The following PPP1R9A variants were observed in gnomAD, a reference collection of about 807,000 sequenced individuals.
The protein encoded by PPP1R9A is protein phosphatase 1 regulatory subunit 9A.
Under a neutral mutation model 141.9 loss-of-function variants are expected in PPP1R9A, and 59 were observed. That is an observed-to-expected ratio of 0.42 (90% CI 0.34 to 0.52). The LOEUF (loss-of-function observed/expected upper bound fraction) is 0.52. PPP1R9A is among the 20% of genes least tolerant of loss of function. The probability of loss-of-function intolerance (pLI) is 0.10; values close to 1 mark genes in which losing one functional copy is unlikely to be tolerated. For missense variants in PPP1R9A, 1,444 were observed against 1,611.9 expected (o/e 0.90, Z 1.78); for synonymous variants, 500 against 569.7 (o/e 0.88, Z 1.74).
At chr7:95,084,091 TTAGA>T (rs1194710089) in intron 2 of PPP1R9A, among the ~76,000 whole-genome samples, 1 of 152,042 alleles carries the variant, frequency 6.6e-6, no homozygotes, top group African/African-American at 2.4e-5. Context: ...TTGTTCATAC[TTAGA>T]TAGCATGTAT....
intron 5 of PPP1R9A, among the ~76,000 whole-genome samples, chr7:95,177,162 C>T (rs1833023991): frequency 6.6e-6 from 1 of 152,108 alleles, no homozygotes; most frequent in East Asian, 1.9e-4. Flanking sequence ...AGATTAATGG[C>T]AGACTTCTCA....
chr7:94,997,788 A>G (rs534816661), intron 2 of PPP1R9A, among the ~76,000 whole-genome samples: 9 of 152,162 alleles, frequency 5.9e-5, no homozygotes, highest in African/African-American at 1.9e-4. Context: ...CAGCCCTACA[A>G]ACTCTGGCCT....
At chr7:95,015,630 C>G (rs890728644) in intron 2 of PPP1R9A, among the ~76,000 whole-genome samples, 2 of 152,042 alleles carry the variant, frequency 1.3e-5, no homozygotes, top group Non-Finnish European at 2.9e-5. Context: ...TAATTAGACT[C>G]TTAGAGAAGA....
chr7:95,053,299 G>A (rs1221606858), intron 2 of PPP1R9A, among the ~76,000 whole-genome samples: 1 of 152,172 alleles, frequency 6.6e-6, no homozygotes, highest in Non-Finnish European at 1.5e-5. Context: ...CATCAGTAAG[G>A]TGTTGGTATG....
intron 2 of PPP1R9A, among the ~76,000 whole-genome samples, chr7:95,078,526 T>C (rs1275186718): frequency 1.3e-5 from 2 of 152,136 alleles, no homozygotes; most frequent in Non-Finnish European, 2.9e-5. Flanking sequence ...AAATGGTATT[T>C]CTAGTTCTAG....
At chr7:95,123,791 C>T (rs961154831) in intron 4 of PPP1R9A, among the ~76,000 whole-genome samples, 3 of 152,166 alleles carry the variant, frequency 2.0e-5, no homozygotes, top group East Asian at 1.9e-4. Flanking sequence ...TTATCTACAT[C>T]GCAGGTTGTG....
chr7:95,059,931 G>A (rs1811999551), intron 2 of PPP1R9A, among the ~76,000 whole-genome samples: 1 of 152,100 alleles, frequency 6.6e-6, no homozygotes, highest in South Asian at 2.1e-4. Flanking sequence ...AAAAATGTGT[G>A]GTTGAGGTGT....
At position 95,292,315 on chromosome 7, in the gene PPP1R9A, A is replaced by G. The variant is rs1806480418; in HGVS notation, c.*2012A>G. ...AAATACTAAAACACTAAATTAGTAA[A>G]AATCTGGTAATATTAGTGCTTGCTA... On this transcript the variant is annotated 3_prime_UTR_variant, in exon 20 of 20. Coordinates refer to ENST00000433360, the MANE Select transcript of PPP1R9A (RefSeq NM_001166160.2). 1 of 152,644 alleles carries G rather than the reference A, an allele frequency of 6.6e-6. No homozygotes were observed. Among genetic ancestry groups the G allele is most frequent in the South Asian group, 2.1e-4 (1 of 4,838 alleles). 9.5% of individuals were successfully genotyped at this position (152,644 alleles called of 1,614,324 possible).
intron 2 of PPP1R9A, among the ~76,000 whole-genome samples, chr7:95,049,082 C>T (rs1810430303): frequency 6.6e-6 from 1 of 152,142 alleles, no homozygotes; most frequent in Non-Finnish European, 1.5e-5. Flanking sequence ...AGACCCTGGG[C>T]TATCATGCTT....
chr7:95,231,481 T>A (rs1472280751), intron 8 of PPP1R9A, among the ~76,000 whole-genome samples: 1 of 152,144 alleles, frequency 6.6e-6, no homozygotes, highest in Non-Finnish European at 1.5e-5. Context: ...TTCTCCAAGA[T>A]AGACCTTATG....
chr7:95,209,104 T>A (rs959633876), intron 7 of PPP1R9A, among the ~76,000 whole-genome samples: 1 of 152,074 alleles, frequency 6.6e-6, no homozygotes, highest in Non-Finnish European at 1.5e-5. Flanking sequence ...AAGTTGTTAG[T>A]TTATTGGTGG....
intron 2 of PPP1R9A, among the ~76,000 whole-genome samples, chr7:94,983,954 A>G (rs1163669690): frequency 3.3e-5 from 5 of 152,168 alleles, no homozygotes; most frequent in Admixed American, 3.3e-4. Context: ...TCAGTATGAT[A>G]CTGGCTGTGG....
chr7:95,013,912 T>A (rs543393966), intron 2 of PPP1R9A, among the ~76,000 whole-genome samples: 1 of 152,230 alleles, frequency 6.6e-6, no homozygotes, highest in East Asian at 1.9e-4. Flanking sequence ...TACAGATAAT[T>A]CTCATGTACT....
At chr7:95,006,193 C>CTTATTTATTTATTTAT (rs71125097) in intron 2 of PPP1R9A, among the ~76,000 whole-genome samples, 2 of 146,234 alleles carry the variant, frequency 1.4e-5, no homozygotes, top group African/African-American at 5.1e-5. Context: ...ATCTTAAGAA[C>CTTATTTATTTATTTAT]TTATTTATTT....
chr7:95,263,590 A>G (rs1194531397), intron 12 of PPP1R9A, among the ~76,000 whole-genome samples: 1 of 151,852 alleles, frequency 6.6e-6, no homozygotes, highest in African/African-American at 2.4e-5. Flanking sequence ...CACCTGGCTA[A>G]TTTTTGTATT....
chr7:95,228,211 A>G (rs895160671), intron 8 of PPP1R9A, among the ~76,000 whole-genome samples: 24 of 152,168 alleles, frequency 1.6e-4, no homozygotes, highest in African/African-American at 5.8e-4. Flanking sequence ...CATTATCTCA[A>G]TCAGTCATAC....
At chr7:95,092,928 A>G (rs1164830542) in intron 2 of PPP1R9A, among the ~76,000 whole-genome samples, 4 of 152,202 alleles carry the variant, frequency 2.6e-5, no homozygotes, top group African/African-American at 7.2e-5. Flanking sequence ...CTGTGTTGCT[A>G]TAATTGCTTT....
chr7:95,085,731 A>T (rs1297804087), intron 2 of PPP1R9A, among the ~76,000 whole-genome samples: 1 of 151,962 alleles, frequency 6.6e-6, no homozygotes, highest in Non-Finnish European at 1.5e-5. Flanking sequence ...TACATTGTGA[A>T]TAGCATTTTA....
At chr7:95,223,171 T>C (rs1173326919) in intron 7 of PPP1R9A, among the ~76,000 whole-genome samples, 1 of 151,970 alleles carries the variant, frequency 6.6e-6, no homozygotes, top group Non-Finnish European at 1.5e-5. Context: ...AAGGCATTAG[T>C]AAATGAAAAG....
Sources: gnomAD v4.1 joint callset for allele counts (sites outside exome capture counted in the v4.1 genomes callset) on GRCh38, gnomAD v4.1.1 for gene constraint, MANE v1.5 for transcripts, NCBI Gene and HGNC (gene_info 2026-07-23, HGNC 2026-07-21) for gene names.